The following SLC9A6 variants were observed in gnomAD, a reference collection of about 807,000 sequenced individuals.
SLC9A6 encodes the protein sodium/hydrogen exchanger 6.
A neutral mutation model predicts 45.3 loss-of-function variants in SLC9A6; 6 were observed. The ratio of observed to expected loss-of-function variants is 0.13; its 90% CI spans 0.07 to 0.26. The LOEUF (loss-of-function observed/expected upper bound fraction) is 0.26. SLC9A6 is among the 10% of genes least tolerant of loss of function. SLC9A6 has a pLI of 1.00. For missense variants in SLC9A6, 278 were observed against 503.7 expected, an observed-to-expected ratio of 0.55 and a Z score of 4.29; for synonymous variants, 191 against 187.7, an observed-to-expected ratio of 1.02 and a Z score of -0.14.
chrX:135,985,522 G>A (rs781845340), intron 1 of SLC9A6, 45 bp downstream of exon 1: 1 of 1,125,564 alleles, frequency 8.9e-7, no homozygotes, highest in South Asian at 2.1e-5. Flanking sequence ...CGCGGCTGGC[G>A]GCGGGCACCC....
At chrX:136,001,651 C>T (rs782479521) in intron 6 of SLC9A6, among the ~76,000 whole-genome samples, 4 of 112,194 alleles carry the variant, frequency 3.6e-5, no homozygotes, top group African/African-American at 1.3e-4. Context: ...ACTGTCTTTG[C>T]TAAACCTTTG....
At chrX:136,030,003 A>C in intron 14 of SLC9A6, 129 bp from the exon 15 acceptor site, 5 of 658,141 alleles carry the variant, frequency 7.6e-6, no homozygotes, top group Non-Finnish European at 1.2e-5. Flanking sequence ...ACAGCTATAG[A>C]GAAGCAAGAA....
intron 5 of SLC9A6, 54 bp from the exon 6 acceptor site, chrX:135,998,802 A>T (rs1556616964): frequency 1.2e-5 from 11 of 905,030 alleles, no homozygotes; most frequent in Non-Finnish European, 1.3e-5. Context: ...CTTTATCCTA[A>T]TTTTTTTAAC....
At chrX:136,030,038 G>A in intron 14 of SLC9A6, 94 bp from the exon 15 acceptor site, 1 of 830,112 alleles carries the variant, frequency 1.2e-6, no homozygotes, top group Non-Finnish European at 1.8e-6. Context: ...CATAGCTTCT[G>A]TGTTGAGAAA....
upstream of SLC9A6, among the ~76,000 whole-genome samples, chrX:135,981,432 C>G (rs916890748): frequency 9.0e-6 from 1 of 111,616 alleles, no homozygotes; most frequent in East Asian, 2.8e-4. Context: ...GACAATTTGA[C>G]ATGAGATTTG....
intron 10 of SLC9A6, among the ~76,000 whole-genome samples, chrX:136,014,426 G>A (rs189909235): frequency 6.2e-5 from 7 of 112,133 alleles, no homozygotes; most frequent in African/African-American, 1.6e-4. Context: ...AGGGGGCGGT[G>A]GGGGAGGGGA....
At chrX:136,011,921 T>A (rs1167798477) in intron 8 of SLC9A6, among the ~76,000 whole-genome samples, 1 of 110,946 alleles carries the variant, frequency 9.0e-6, no homozygotes, top group Non-Finnish European at 1.9e-5. Context: ...AAACCCCGTC[T>A]CTACTAAAAA....
rs782700685 is a variant in SLC9A6, at chrX:136,028,930, GCCTTTAC to G, written c.1509_1515del (p.Tyr504LysfsTer51). The G allele has an allele frequency of 3.0e-5, 9 of 295,296 alleles. No individual in the cohort carries two copies. Among genetic ancestry groups the G allele is most frequent in the African/African-American group, 2.5e-4 (9 of 36,341 alleles). 24.3% of individuals were successfully genotyped at this position (295,296 alleles called of 1,213,427 possible). ...GGATACAGAGATGAATTGAGACATGGCCTTTACCCTCAAGGAACTCACAGTCTTTTTG... is the reference window on the plus strand; with the variant it reads ...GGATACAGAGATGAATTGAGACATGGCCTCAAGGAACTCACAGTCTTTTTG... On this transcript the variant is annotated frameshift_variant, in exon 14 of 18. Coordinates refer to ENST00000630721, the MANE Select transcript of SLC9A6 (RefSeq NM_001379110.1). LOFTEE classifies it high-confidence loss of function.
At chrX:135,975,981 C>A (rs782502987) in intron 1 of SLC9A6, among the ~76,000 whole-genome samples, 1,417 of 62,219 alleles carry the variant, frequency 0.023, 51 homozygotes, top group East Asian at 0.2. Flanking sequence ...TTTCTCTAAC[C>A]AAAAAAAAAA....
At chrX:135,998,236 C>T in intron 4 of SLC9A6, 51 bp downstream of exon 4, 1 of 779,801 alleles carries the variant, frequency 1.3e-6, no homozygotes, top group Non-Finnish European at 2.0e-6. Context: ...ACTCAGTGGG[C>T]TTTGTAATAT....
intron 2 of SLC9A6, among the ~76,000 whole-genome samples, chrX:135,992,419 A>G (rs1346818559): frequency 8.9e-6 from 1 of 112,142 alleles, no homozygotes; most frequent in Non-Finnish European, 1.9e-5. Context: ...GAAATCTGCT[A>G]TCAAGCCTCT....
At position 136,045,648 on chromosome X, in the gene SLC9A6, C is replaced by G. The variant is rs1301815638; in HGVS notation, c.*924C>G. 8.9e-6 allele frequency: 1 copy of G among 112,692 alleles called. No individual in the cohort carries two copies. Among genetic ancestry groups the G allele is most frequent in the African/African-American group, 3.2e-5 (1 of 30,910 alleles). The allele number at this position is 112,692 out of a possible 1,213,427, so 9.3% of individuals were successfully genotyped here. A position where few individuals can be genotyped will look rare whatever the true frequency, so the allele number is the denominator to read the frequency against. ...TTATGTACTTTATCTGTATAGCAGG[C>G]TTTGTCGTCAGAAGTTTTTATATCG... On this transcript the variant is annotated 3_prime_UTR_variant, in exon 18 of 18. Transcript: ENST00000630721.
At chrX:135,999,851 G>A (rs1235899675) in intron 6 of SLC9A6, among the ~76,000 whole-genome samples, 3 of 111,201 alleles carry the variant, frequency 2.7e-5, no homozygotes, top group Non-Finnish European at 5.7e-5. Context: ...TTGTCATCCA[G>A]CACAATTAAA....
At chrX:135,982,180 T>A (rs1556614166), upstream of SLC9A6, among the ~76,000 whole-genome samples, 1 of 111,415 alleles carries the variant, frequency 9.0e-6, no homozygotes, top group African/African-American at 3.3e-5. Context: ...TGATTTTTGA[T>A]AATCCCTGGA....
chrX:135,985,486 G>A lies in SLC9A6; in HGVS notation c.-57+9G>A. ...GGGCGGCCGCCGGTGAGGTAGGGGC[G>A]GGAGGCGGGGGGAGACATGGCTCGG... is the stretch of plus-strand genomic sequence containing the variant. On this transcript the variant is annotated intron_variant, in intron 1 of 17. Transcript: ENST00000630721. 9.4e-7 allele frequency: 1 copy of A among 1,065,366 alleles called. No individual in the cohort carries two copies. Among genetic ancestry groups the A allele is most frequent in the South Asian group, 2.4e-5 (1 of 41,545 alleles). 87.8% of individuals were successfully genotyped at this position (1,065,366 alleles called of 1,213,427 possible).
intron 1 of SLC9A6, among the ~76,000 whole-genome samples, chrX:135,978,576 T>C (rs2089273031): frequency 9.3e-6 from 1 of 107,552 alleles, no homozygotes; most frequent in Non-Finnish European, 1.9e-5. Flanking sequence ...CACTTGAACC[T>C]GGGAGGCAGA....
At chrX:136,022,510 T>A in intron 11 of SLC9A6, 76 bp from the exon 12 acceptor site, 1 of 620,267 alleles carries the variant, frequency 1.6e-6, no homozygotes, top group Non-Finnish European at 2.6e-6. Flanking sequence ...AAAATAGTCT[T>A]TCACCATCTT....
At chrX:135,980,335 T>C (rs1417962463), upstream of SLC9A6, among the ~76,000 whole-genome samples, 1 of 109,934 alleles carries the variant, frequency 9.1e-6, no homozygotes, top group African/African-American at 3.3e-5. Flanking sequence ...TGCCTCAGCC[T>C]CCTACCAATA....
rs781937749 is a variant in SLC9A6 at position 135,988,473 on chromosome X, T to TTTTCTTTC, written c.169+2666_169+2673dup. Among the ~76,000 whole-genome samples, 905 of 106,907 alleles carry TTTTCTTTC rather than the reference T, an allele frequency of 8.5e-3. 9 individuals are homozygous for TTTTCTTTC. The highest frequency in any genetic ancestry group is 0.026 in the African/African-American group (760 of 28,875). The allele number at this position is 106,907 out of a possible 115,157, so 92.8% of individuals were successfully genotyped here. A position where few individuals can be genotyped will look rare whatever the true frequency, so the allele number is the denominator to read the frequency against. Reference sequence around the variant, plus strand: ...TCTCTCTCTTTTCTTTCTTTCTTTCTTTTCTTTCTTTCTTTCTTTCTTTCT... The same window carrying TTTTCTTTC: ...TCTCTCTCTTTTCTTTCTTTCTTTCTTTTCTTTCTTTCTTTCTTTCTTTCTTTCTTTCT... On this transcript the variant is annotated intron_variant, in intron 2 of 17. Coordinates refer to ENST00000630721, the MANE Select transcript of SLC9A6 (RefSeq NM_001379110.1).
Sources: allele counts gnomAD v4.1 joint callset (sites outside exome capture counted in the v4.1 genomes callset), GRCh38; gene constraint gnomAD v4.1.1; transcripts MANE v1.5; gene names NCBI Gene and HGNC (gene_info 2026-07-23, HGNC 2026-07-21).